DPP6: variants seen among roughly 807,000 people sequenced by gnomAD.
DPP6 encodes dipeptidyl peptidase like 6, also known as A-type potassium channel modulatory protein DPP6.
In DPP6, 69 loss-of-function variants were observed where a neutral mutation model predicts 122.6. The observed-to-expected ratio is 0.56, with a 90% CI of 0.46 to 0.69. The LOEUF (loss-of-function observed/expected upper bound fraction) is 0.69. DPP6 is among the 30% of genes least tolerant of loss of function. DPP6 has a pLI of 0.00. For missense variants in DPP6, 928 were observed against 1,116.9 expected (o/e 0.83, Z 2.41); for synonymous variants, 418 against 433.1 (o/e 0.97, Z 0.43).
intron 5 of DPP6, among the ~76,000 whole-genome samples, chr7:154,590,128 C>T (rs905211986): frequency 7.2e-5 from 11 of 152,052 alleles, no homozygotes; most frequent in Admixed American, 1.3e-4. Context: ...GATTTGCTCT[C>T]GGGTACCACT....
At chr7:154,519,793 A>G (rs1368936497) in intron 3 of DPP6, among the ~76,000 whole-genome samples, 1 of 152,196 alleles carries the variant, frequency 6.6e-6, no homozygotes, top group Non-Finnish European at 1.5e-5. Context: ...CTGGAATATG[A>G]TTCAGTTTTT....
chr7:154,326,728 T>C (rs1339286972), intron 1 of DPP6, among the ~76,000 whole-genome samples: 2 of 152,236 alleles, frequency 1.3e-5, no homozygotes, highest in African/African-American at 2.4e-5. Context: ...TCAGTTGGTT[T>C]CCCCATAATA....
At chr7:154,566,707 G>C (rs1830773272) in intron 4 of DPP6, 135 bp from the exon 5 acceptor site, 1 of 592,304 alleles carries the variant, frequency 1.7e-6, no homozygotes, top group Admixed American at 3.4e-5. Flanking sequence ...ATATTATTCA[G>C]CTAACAAAGA....
chr7:154,384,701 C>A (rs1249487258), intron 1 of DPP6, among the ~76,000 whole-genome samples: 2 of 151,246 alleles, frequency 1.3e-5, no homozygotes, highest in East Asian at 3.9e-4. Context: ...CACTTTGGCT[C>A]ATGTCTAAGT....
At chr7:154,200,206 AT>A (rs1418473744) in intron 1 of DPP6, among the ~76,000 whole-genome samples, 1 of 151,894 alleles carries the variant, frequency 6.6e-6, no homozygotes, top group East Asian at 1.9e-4. Flanking sequence ...TTTTTAAACA[AT>A]TTTTTATTGA....
chr7:154,680,418 A>G (rs1290650055), intron 7 of DPP6, among the ~76,000 whole-genome samples: 2 of 152,326 alleles, frequency 1.3e-5, no homozygotes, highest in Non-Finnish European at 1.5e-5. Flanking sequence ...CTAAGTGTTG[A>G]GAGCTGAGCC....
intron 1 of DPP6, among the ~76,000 whole-genome samples, chr7:154,313,708 T>G: frequency 1.2e-4 from 2 of 16,904 alleles, no homozygotes; most frequent in South Asian, 5.7e-3. Flanking sequence ...TATATATATA[T>G]ATATATACAC....
chr7:154,515,495 C>A (rs1314016036), intron 3 of DPP6, among the ~76,000 whole-genome samples: 2 of 151,450 alleles, frequency 1.3e-5, no homozygotes, highest in East Asian at 1.9e-4. Context: ...TACTTTTTTC[C>A]CTTCCCCTTC....
At chr7:154,240,290 C>A (rs1256329297) in intron 1 of DPP6, among the ~76,000 whole-genome samples, 1 of 152,092 alleles carries the variant, frequency 6.6e-6, no homozygotes, top group African/African-American at 2.4e-5. Context: ...TCTGTTACCA[C>A]CGGATGCCTC....
At chr7:153,999,412 T>C (rs1541477) in intron 1 of DPP6, among the ~76,000 whole-genome samples, 140,631 of 152,292 alleles carry the variant, frequency 0.92, 64,981 homozygotes, top group African/African-American at 0.96. Context: ...TATTTCTTCA[T>C]AATATCTTGC....
At chr7:154,291,686 C>A (rs1170072315) in intron 1 of DPP6, among the ~76,000 whole-genome samples, 1 of 152,204 alleles carries the variant, frequency 6.6e-6, no homozygotes, top group African/African-American at 2.4e-5. Context: ...TGACTCATTT[C>A]TTCATGTGGA....
chr7:154,762,302 G>A (rs1015391905), intron 8 of DPP6, among the ~76,000 whole-genome samples: 5 of 152,184 alleles, frequency 3.3e-5, no homozygotes, highest in Non-Finnish European at 5.9e-5. Flanking sequence ...GGAGTCTCAC[G>A]CCCTGGAAGT....
intron 16 of DPP6, among the ~76,000 whole-genome samples, chr7:154,817,353 G>A (rs573602386): frequency 1.1e-4 from 16 of 152,096 alleles, no homozygotes; most frequent in Non-Finnish European, 1.8e-4. Flanking sequence ...AGTCGTAAGC[G>A]ATTGATGGAT....
At chr7:154,114,222 C>T (rs1233543648) in intron 1 of DPP6, among the ~76,000 whole-genome samples, 2 of 151,894 alleles carry the variant, frequency 1.3e-5, no homozygotes, top group African/African-American at 2.4e-5. Flanking sequence ...ACTCAGCAAA[C>T]ATCAGACAAT....
intron 1 of DPP6, among the ~76,000 whole-genome samples, chr7:154,019,463 C>T (rs1312189574): frequency 1.3e-5 from 2 of 150,958 alleles, no homozygotes; most frequent in Non-Finnish European, 2.9e-5. Flanking sequence ...CCTTCCCTCC[C>T]TTCCTCCCTC....
At chr7:154,010,280 A>T (rs1043190260) in intron 1 of DPP6, among the ~76,000 whole-genome samples, 1 of 152,250 alleles carries the variant, frequency 6.6e-6, no homozygotes, top group African/African-American at 2.4e-5. Context: ...AAACATGTGC[A>T]TACGACTTTC....
In DPP6 at chr7:154,863,741, G is replaced by C. The variant is rs897422740; in HGVS notation, c.1715-4254G>C. Among the ~76,000 whole-genome samples the C allele has an allele frequency of 6.6e-5, 10 of 151,858 alleles. No individual in the cohort carries two copies. The highest frequency in any genetic ancestry group is 2.0e-4 in the Admixed American group (3 of 15,252). On this transcript the variant is annotated intron_variant, in intron 17 of 25. Transcript: ENST00000377770. This position sits in a 1 kb window ranked among gnomAD's most constrained non-coding sequence, Gnocchi z 4.1. Reference sequence around the variant, plus strand: ...AAGGTGGGAGGATTGCTTGAGCCCGGGTGTTCGAGGCTGCAGTGAGTTATG... The same window carrying C: ...AAGGTGGGAGGATTGCTTGAGCCCGCGTGTTCGAGGCTGCAGTGAGTTATG...
chr7:153,898,893 A>G (rs1376791666), intron 1 of DPP6, among the ~76,000 whole-genome samples: 1 of 152,208 alleles, frequency 6.6e-6, no homozygotes, highest in African/African-American at 2.4e-5. Context: ...TGGTTTGTAT[A>G]TAACTTTTAT....
chr7:154,241,345 T>A lies in DPP6; in HGVS notation c.243+188282T>A, dbSNP rs1801602406. Among the ~76,000 whole-genome samples, 1 of 152,114 alleles carries A rather than the reference T, an allele frequency of 6.6e-6. No homozygotes were observed. Among genetic ancestry groups the A allele is most frequent in the African/African-American group, 2.4e-5 (1 of 41,414 alleles). On this transcript the variant is annotated intron_variant, in intron 1 of 25. Transcript: ENST00000377770. The surrounding 1 kb of genome is among the most constrained non-coding windows in gnomAD (Gnocchi z 9.0). ...TACTAAATAGGAGAGTACCTTCCTG[T>A]GTTTCCCTGTTTTATCCAAATTCTC... is the stretch of plus-strand genomic sequence containing the variant.
Sources: gnomAD v4.1 joint callset for allele counts (sites outside exome capture counted in the v4.1 genomes callset) on GRCh38, gnomAD v4.1.1 for gene constraint, Gnocchi (gnomAD v3.1) non-coding constraint, MANE v1.5 for transcripts, NCBI Gene and HGNC (gene_info 2026-07-23, HGNC 2026-07-21) for gene names.